TASP1: variants seen among roughly 807,000 people sequenced by gnomAD.
The protein encoded by TASP1 is taspase 1, also known as threonine aspartase 1.
A neutral mutation model predicts 56.6 loss-of-function variants in TASP1; 16 were observed. The observed-to-expected ratio is 0.28, with a 90% CI of 0.19 to 0.43. TASP1 has a LOEUF of 0.43. Among genes scored for constraint, TASP1 ranks in the 20% least tolerant of loss-of-function variants. The pLI, the probability that TASP1 is intolerant of heterozygous loss-of-function variation, is 1.00. For synonymous variants in TASP1, 179 were observed against 184.2 expected, an observed-to-expected ratio of 0.97 and a Z score of 0.23; for missense variants, 393 against 511.6, an observed-to-expected ratio of 0.77 and a Z score of 2.24.
intron 13 of TASP1, 46 bp from the exon 14 acceptor site, chr20:13,390,498 T>C: frequency 6.4e-7 from 1 of 1,569,462 alleles, no homozygotes. Flanking sequence ...GTCAGCGGTG[T>C]CCCTTGCCAC....
chr20:13,286,096 A>G, the TASP1 span, among the ~76,000 whole-genome samples: 1 of 152,212 alleles, frequency 6.6e-6, no homozygotes, highest in South Asian at 2.1e-4. Flanking sequence ...TTTTATGAGT[A>G]TAAAAACATT....
chr20:13,470,569 A>G (rs2044450960), intron 11 of TASP1, among the ~76,000 whole-genome samples: 1 of 152,210 alleles, frequency 6.6e-6, no homozygotes, highest in East Asian at 1.9e-4. Flanking sequence ...AAGAAAAATG[A>G]TTTATTTTGC....
chr20:13,129,925 T>C, the TASP1 span, among the ~76,000 whole-genome samples: 1 of 152,136 alleles, frequency 6.6e-6, no homozygotes, highest in Non-Finnish European at 1.5e-5. Context: ...TTTACTCCTC[T>C]TGTCATCTTA....
At chr20:13,635,562 AT>A (rs1158267030) in intron 1 of TASP1, among the ~76,000 whole-genome samples, 1 of 151,796 alleles carries the variant, frequency 6.6e-6, no homozygotes, top group Admixed American at 6.6e-5. Flanking sequence ...TAATTTTTGT[AT>A]TTTTAGTAGA....
the TASP1 span, among the ~76,000 whole-genome samples, chr20:13,281,183 A>G: frequency 6.6e-6 from 1 of 152,224 alleles, no homozygotes; most frequent in African/African-American, 2.4e-5. Context: ...TGGGTACAAA[A>G]ATGAGCAAGG....
the TASP1 span, among the ~76,000 whole-genome samples, chr20:13,371,134 T>G: frequency 2.0e-5 from 3 of 152,154 alleles, no homozygotes; most frequent in African/African-American, 7.2e-5. Context: ...GGATTCATTT[T>G]CTCTATTGTT....
chr20:13,462,548 A>T (rs1273421147), intron 11 of TASP1, among the ~76,000 whole-genome samples: 1 of 152,096 alleles, frequency 6.6e-6, no homozygotes, highest in Non-Finnish European at 1.5e-5. Flanking sequence ...CTTGCCCCAC[A>T]CCCAGCAGTG....
the TASP1 span, among the ~76,000 whole-genome samples, chr20:13,253,689 G>A: frequency 2.6e-5 from 4 of 151,996 alleles, no homozygotes; most frequent in Non-Finnish European, 4.4e-5. Context: ...ATTTCCAGGC[G>A]ATTCCAACAC....
chr20:13,368,290 G>A, the TASP1 span: 1 of 152,150 alleles, frequency 6.6e-6, no homozygotes, highest in African/African-American at 2.4e-5. Flanking sequence ...AGAAGCATCA[G>A]TTTCTTCCTT....
At chr20:13,197,081 C>T in the TASP1 span, among the ~76,000 whole-genome samples, 1 of 152,208 alleles carries the variant, frequency 6.6e-6, no homozygotes, top group Non-Finnish European at 1.5e-5. Context: ...AACTCCACCT[C>T]ATTTGAGTGT....
At chr20:13,277,014 G>A in the TASP1 span, among the ~76,000 whole-genome samples, 1 of 152,198 alleles carries the variant, frequency 6.6e-6, no homozygotes, top group African/African-American at 2.4e-5. Flanking sequence ...AGCAATTAAG[G>A]GGAAAAATAA....
intron 8 of TASP1, among the ~76,000 whole-genome samples, chr20:13,557,697 C>T (rs1239960889): frequency 2.0e-5 from 3 of 150,012 alleles, no homozygotes; most frequent in Non-Finnish European, 4.4e-5. Flanking sequence ...TCTCCTACCT[C>T]AGCCTCCCGA....
At chr20:13,624,769 A>C (rs1452054732) in intron 3 of TASP1, among the ~76,000 whole-genome samples, 1 of 152,232 alleles carries the variant, frequency 6.6e-6, no homozygotes, top group South Asian at 2.1e-4. Context: ...ACTTGCTATG[A>C]TACAAACTAC....
the TASP1 span, among the ~76,000 whole-genome samples, chr20:13,134,336 A>G: frequency 6.6e-6 from 1 of 152,222 alleles, no homozygotes; most frequent in Non-Finnish European, 1.5e-5. Flanking sequence ...CATCAAGGAC[A>G]ACTTCTTTCT....
At chr20:13,365,608 A>C in the TASP1 span, among the ~76,000 whole-genome samples, 1 of 152,322 alleles carries the variant, frequency 6.6e-6, no homozygotes, top group East Asian at 1.9e-4. Context: ...TGCAGGAACA[A>C]ACTTGGTGTG....
chr20:13,246,338 C>T, the TASP1 span, among the ~76,000 whole-genome samples: 1 of 151,820 alleles, frequency 6.6e-6, no homozygotes, highest in South Asian at 2.1e-4. Flanking sequence ...TGAACCCTCA[C>T]AGCATGGTTC....
intron 10 of TASP1, among the ~76,000 whole-genome samples, chr20:13,503,572 A>T (rs2044023184): frequency 6.6e-6 from 1 of 152,148 alleles, no homozygotes; most frequent in South Asian, 2.1e-4. Flanking sequence ...AAGTTGAGGA[A>T]ACATGACACT....
intron 12 of TASP1, among the ~76,000 whole-genome samples, chr20:13,434,606 C>T (rs548966489): frequency 2.6e-5 from 4 of 152,258 alleles, no homozygotes; most frequent in Non-Finnish European, 2.9e-5. Flanking sequence ...ACGAAGGTGT[C>T]ATGGTTAACG....
chr20:13,112,473 G>C, the TASP1 span, among the ~76,000 whole-genome samples: 32 of 152,290 alleles, frequency 2.1e-4, no homozygotes, highest in African/African-American at 6.7e-4. Flanking sequence ...ACATCATGAG[G>C]CCAGCCCCGA....
Sources: gnomAD v4.1 joint callset for allele counts (sites outside exome capture counted in the v4.1 genomes callset) on GRCh38, gnomAD v4.1.1 for gene constraint, MANE v1.5 for transcripts, NCBI Gene and HGNC (gene_info 2026-07-23, HGNC 2026-07-21) for gene names.